The following PDE1C variants were observed in gnomAD, a reference collection of about 807,000 sequenced individuals.
PDE1C encodes the protein dual specificity calcium/calmodulin-dependent 3',5'-cyclic nucleotide phosphodiesterase 1C.
In PDE1C, 62 loss-of-function variants were observed where a neutral mutation model predicts 93.1. That is an observed-to-expected ratio of 0.67 (90% CI 0.54 to 0.82). The LOEUF (loss-of-function observed/expected upper bound fraction) is 0.82. PDE1C is among the 40% of genes least tolerant of loss of function. The pLI is 0.00. For synonymous variants in PDE1C, 325 were observed against 310.1 expected, an observed-to-expected ratio of 1.05 and a Z score of -0.50; for missense variants, 742 against 884.6, an observed-to-expected ratio of 0.84 and a Z score of 2.04.
the PDE1C span, among the ~76,000 whole-genome samples, chr7:31,623,082 T>C: frequency 6.6e-6 from 1 of 152,138 alleles, no homozygotes; most frequent in African/African-American, 2.4e-5. Flanking sequence ...AATAGGCCAA[T>C]AACAGGATCT....
At chr7:31,658,744 G>C in the PDE1C span, 120,306 of 156,798 alleles carry the variant, frequency 0.77, 46,207 homozygotes, top group East Asian at 0.83. Context: ...TCAGAGGTTG[G>C]TATGGGATGC....
intron 16 of PDE1C, among the ~76,000 whole-genome samples, chr7:31,793,076 T>A (rs929196620): frequency 2.0e-5 from 3 of 152,038 alleles, no homozygotes; most frequent in African/African-American, 7.2e-5. Context: ...CAATCATGTT[T>A]CAGCAACTTC....
At chr7:31,657,994 A>G in the PDE1C span, among the ~76,000 whole-genome samples, 1 of 152,228 alleles carries the variant, frequency 6.6e-6, no homozygotes. Flanking sequence ...GATTCCATTT[A>G]TTCAAAGCCA....
chr7:32,053,935 T>G (rs1793709091), intron 1 of PDE1C, among the ~76,000 whole-genome samples: 1 of 151,748 alleles, frequency 6.6e-6, no homozygotes, highest in African/African-American at 2.4e-5. Flanking sequence ...GTAGTCTTGA[T>G]TGCTGGGTGA....
chr7:32,158,835 A>T (rs1046834799), intron 3 of PDE1C, among the ~76,000 whole-genome samples: 26 of 152,094 alleles, frequency 1.7e-4, no homozygotes, highest in Admixed American at 7.2e-4. Flanking sequence ...TAAAACTGAA[A>T]CTCTTTCTCA....
intron 7 of PDE1C, among the ~76,000 whole-genome samples, chr7:31,859,636 C>G (rs894145486): frequency 6.6e-6 from 1 of 151,596 alleles, no homozygotes; most frequent in African/African-American, 2.4e-5. Flanking sequence ...ATAGGATGAC[C>G]CAATAAGGGT....
chr7:31,837,402 A>G (rs1391614713), intron 10 of PDE1C, 102 bp from the exon 11 acceptor site: 16 of 1,102,576 alleles, frequency 1.5e-5, no homozygotes, highest in Non-Finnish European at 1.8e-5. Context: ...TTGTTCTTCC[A>G]TCTCAAACCC....
rs562731239 is a variant in PDE1C at position 32,106,430 on chromosome 7, A to T, written c.308+63355T>A. ...TGACAAAAAATACATAATGAAATAGATGGAGATTAGAGAGAGACAGAGATA... is the reference window on the plus strand; with the variant it reads ...TGACAAAAAATACATAATGAAATAGTTGGAGATTAGAGAGAGACAGAGATA... On this transcript the variant is annotated intron_variant, in intron 3 of 18. Transcript: ENST00000396193. 6.6e-5 allele frequency among the ~76,000 whole-genome samples: 10 copies of T among 152,296 alleles called. 1 individual carries two copies. The highest frequency in any genetic ancestry group is 3.9e-4 in the Admixed American group (6 of 15,294).
chr7:32,306,128 C>G (rs148935581), intron 1 of PDE1C, among the ~76,000 whole-genome samples: 9 of 152,268 alleles, frequency 5.9e-5, no homozygotes, highest in Admixed American at 2.0e-4. Context: ...GTAAGACGTG[C>G]CTTTCACCTT....
Position 31,844,427 on chromosome 7 carries a change from A to G in PDE1C, c.980+3541T>C, listed in dbSNP as rs539596414. Among the ~76,000 whole-genome samples the G allele has an allele frequency of 1.4e-3, 214 of 151,874 alleles. 2 individuals are homozygous for G. Among genetic ancestry groups the G allele is most frequent in the African/African-American group, 4.9e-3 (204 of 41,530 alleles). ...CTTGAAGTTCATGTTCACAGGATGTAGCATCCTGTGTTGGCTTTTTGTTTT... is the reference window on the plus strand; with the variant it reads ...CTTGAAGTTCATGTTCACAGGATGTGGCATCCTGTGTTGGCTTTTTGTTTT... On this transcript the variant is annotated intron_variant, in intron 9 of 17. Transcript: ENST00000396191.
At chr7:32,009,390 A>G (rs2128582064) in intron 2 of PDE1C, among the ~76,000 whole-genome samples, 1 of 152,334 alleles carries the variant, frequency 6.6e-6, no homozygotes, top group East Asian at 1.9e-4. Flanking sequence ...AGCTAAATAG[A>G]GAGATCTGCA....
intron 17 of PDE1C, among the ~76,000 whole-genome samples, chr7:31,766,108 G>A (rs546804748): frequency 4.6e-5 from 7 of 152,254 alleles, no homozygotes; most frequent in South Asian, 4.2e-4. Flanking sequence ...GGTTGGGCCC[G>A]GCGCGGTGGC....
At chr7:32,275,448 C>T (rs186612121) in intron 1 of PDE1C, among the ~76,000 whole-genome samples, 6 of 152,292 alleles carry the variant, frequency 3.9e-5, no homozygotes, top group African/African-American at 1.2e-4. Context: ...ACCACTCTCT[C>T]CATGGCCTAT....
At chr7:32,306,259 C>T (rs537584785) in intron 1 of PDE1C, among the ~76,000 whole-genome samples, 25 of 152,196 alleles carry the variant, frequency 1.6e-4, no homozygotes, top group Non-Finnish European at 2.8e-4. Context: ...CGGGCTAATA[C>T]CGTAAATTGG....
At chr7:32,286,538 A>C (rs1812014517) in intron 1 of PDE1C, among the ~76,000 whole-genome samples, 1 of 152,210 alleles carries the variant, frequency 6.6e-6, no homozygotes, top group Admixed American at 6.5e-5. Context: ...AATTGGTGAG[A>C]CACCTCTGCC....
intron 9 of PDE1C, among the ~76,000 whole-genome samples, chr7:31,844,390 T>G (rs1431464010): frequency 6.6e-6 from 1 of 151,722 alleles, no homozygotes; most frequent in East Asian, 1.9e-4. Flanking sequence ...ATAATTTTAT[T>G]TCATCTTCAT....
intron 1 of PDE1C, among the ~76,000 whole-genome samples, chr7:32,224,368 C>T (rs893258711): frequency 2.7e-5 from 4 of 150,552 alleles, no homozygotes; most frequent in Non-Finnish European, 5.9e-5. Flanking sequence ...GAGACTCCAT[C>T]TCAAAAAAAA....
intron 2 of PDE1C, among the ~76,000 whole-genome samples, chr7:31,961,608 T>C (rs1808981438): frequency 6.6e-6 from 1 of 152,106 alleles, no homozygotes; most frequent in African/African-American, 2.4e-5. Context: ...GACTGAGAAA[T>C]TAGCCTGCCC....
chr7:31,887,375 G>T (rs1287835487), intron 2 of PDE1C, among the ~76,000 whole-genome samples: 2 of 152,024 alleles, frequency 1.3e-5, no homozygotes, highest in Admixed American at 1.3e-4. Flanking sequence ...AAATAAAAGA[G>T]AATTTTACTT....
Sources: gnomAD v4.1 joint callset for allele counts (sites outside exome capture counted in the v4.1 genomes callset) on GRCh38, gnomAD v4.1.1 for gene constraint, MANE v1.5 for transcripts, NCBI Gene and HGNC (gene_info 2026-07-23, HGNC 2026-07-21) for gene names.